The following AGBL4 variants were observed in gnomAD, a reference collection of about 807,000 sequenced individuals.
AGBL4 encodes the protein cytosolic carboxypeptidase 6.
Under a neutral mutation model 66.4 loss-of-function variants are expected in AGBL4, and 58 were observed. That is an observed-to-expected ratio of 0.87 (90% CI 0.71 to 1.09). AGBL4 has a LOEUF of 1.09. Ranked by LOEUF, AGBL4 falls within the 50% of genes least tolerant of loss-of-function variation. The pLI, the probability that AGBL4 is intolerant of heterozygous loss-of-function variation, is 0.00. For missense variants in AGBL4, 579 were observed against 631.0 expected, an observed-to-expected ratio of 0.92 and a Z score of 0.88; for synonymous variants, 234 against 222.9, an observed-to-expected ratio of 1.05 and a Z score of -0.44.
chr1:49,800,996 T>G (rs990240388), intron 2 of AGBL4, among the ~76,000 whole-genome samples: 45 of 150,782 alleles, frequency 3.0e-4, no homozygotes, highest in African/African-American at 9.3e-4. Flanking sequence ...TGTAAAAGTG[T>G]TCCTATTTCT....
At chr1:48,912,475 A>T (rs1007842935) in intron 5 of AGBL4, among the ~76,000 whole-genome samples, 4 of 152,170 alleles carry the variant, frequency 2.6e-5, no homozygotes, top group African/African-American at 9.7e-5. Context: ...GGACGTTGCC[A>T]TTGGGTTATG....
At chr1:48,768,522 A>T (rs1469294610) in intron 6 of AGBL4, among the ~76,000 whole-genome samples, 1 of 152,222 alleles carries the variant, frequency 6.6e-6, no homozygotes, top group Non-Finnish European at 1.5e-5. Flanking sequence ...TAATAGGCAA[A>T]TGGTGTTTTA....
intron 6 of AGBL4, among the ~76,000 whole-genome samples, chr1:48,791,973 T>G (rs1016397814): frequency 6.6e-6 from 1 of 152,200 alleles, no homozygotes; most frequent in Non-Finnish European, 1.5e-5. Context: ...ATGGGTGTTA[T>G]GGGTTTCACT....
intron 3 of AGBL4, among the ~76,000 whole-genome samples, chr1:49,312,715 C>A (rs917711290): frequency 2.6e-5 from 4 of 151,894 alleles, no homozygotes; most frequent in African/African-American, 4.8e-5. Context: ...AAAAAACACA[C>A]AAAAAGATAC....
At chr1:48,916,111 A>T (rs922775506) in intron 5 of AGBL4, among the ~76,000 whole-genome samples, 1 of 152,166 alleles carries the variant, frequency 6.6e-6, no homozygotes, top group Non-Finnish European at 1.5e-5. Context: ...ATATATCCTG[A>T]TATCTGGCCC....
chr1:49,033,601 C>G (rs1212249577), intron 5 of AGBL4, among the ~76,000 whole-genome samples: 1 of 151,958 alleles, frequency 6.6e-6, no homozygotes. Flanking sequence ...GTCATCAGTC[C>G]TCTCTCACCT....
At chr1:50,022,617 C>G (rs1662530983) in intron 1 of AGBL4, among the ~76,000 whole-genome samples, 1 of 750 alleles carries the variant, frequency 1.3e-3, no homozygotes, top group Admixed American at 0.013. Flanking sequence ...ACCATAACCA[C>G]ACACACACAC....
At chr1:48,912,842 A>C (rs1338914012) in intron 5 of AGBL4, among the ~76,000 whole-genome samples, 4 of 152,148 alleles carry the variant, frequency 2.6e-5, no homozygotes, top group African/African-American at 9.7e-5. Context: ...CAGCCTATGA[A>C]AGGAGTAGGA....
intron 9 of AGBL4, among the ~76,000 whole-genome samples, chr1:48,608,556 T>C (rs1645186847): frequency 1.3e-5 from 2 of 151,732 alleles, no homozygotes; most frequent in Non-Finnish European, 2.9e-5. Context: ...GATGGATGGA[T>C]GGATGGATGG....
At chr1:48,564,903 C>T (rs934911076) in intron 11 of AGBL4, among the ~76,000 whole-genome samples, 4 of 152,192 alleles carry the variant, frequency 2.6e-5, no homozygotes, top group African/African-American at 7.2e-5. Context: ...CTTGGCTTGG[C>T]CCACAGGGTC....
At position 49,514,196 on chromosome 1, in the gene AGBL4, T is replaced by C. The variant is rs970760997; in HGVS notation, c.282+183117A>G. Among the ~76,000 whole-genome samples the C allele has an allele frequency of 1.5e-4, 23 of 151,990 alleles. No individual in the cohort carries two copies. The South Asian group carries it at 3.5e-3, about 23-fold the overall frequency. ...ACAATTTGACTTCCTCTTTTCCTAA[T>C]TGAATACCCTTTATTTCCTTCTCCT... On this transcript the variant is annotated intron_variant, in intron 3 of 13. Coordinates refer to ENST00000371839, the MANE Select transcript of AGBL4 (RefSeq NM_032785.4).
At chr1:49,280,359 A>G (rs1644250588) in intron 3 of AGBL4, among the ~76,000 whole-genome samples, 1 of 152,176 alleles carries the variant, frequency 6.6e-6, no homozygotes, top group African/African-American at 2.4e-5. Flanking sequence ...TCTTTACTGC[A>G]ATGCCATGGT....
chr1:48,781,792 G>T (rs1389143427), intron 6 of AGBL4, among the ~76,000 whole-genome samples: 1 of 152,152 alleles, frequency 6.6e-6, no homozygotes, highest in African/African-American at 2.4e-5. Flanking sequence ...CTGCCCTTCA[G>T]ACATGGTGAA....
chr1:49,786,190 A>G (rs962690231), intron 2 of AGBL4, among the ~76,000 whole-genome samples: 1 of 152,070 alleles, frequency 6.6e-6, no homozygotes, highest in African/African-American at 2.4e-5. Flanking sequence ...TCTGAAGCTA[A>G]CCTTTTCATA....
intron 4 of AGBL4, among the ~76,000 whole-genome samples, chr1:49,052,978 G>C (rs1644246911): frequency 6.6e-6 from 1 of 152,108 alleles, no homozygotes; most frequent in African/African-American, 2.4e-5. Context: ...TTGGGCCTGG[G>C]TTTCCCAATC....
At chr1:49,691,886 C>T (rs1646894820) in intron 3 of AGBL4, among the ~76,000 whole-genome samples, 1 of 152,128 alleles carries the variant, frequency 6.6e-6, no homozygotes, top group Admixed American at 6.5e-5. Flanking sequence ...ACTCCAAGTT[C>T]TTCAGTTTTG....
intron 1 of AGBL4, among the ~76,000 whole-genome samples, chr1:49,948,584 G>T (rs867243588): frequency 0.065 from 8,214 of 126,930 alleles, 397 homozygotes; most frequent in African/African-American, 0.16. Context: ...TATATATATA[G>T]AGAGAGAGAG....
intron 1 of AGBL4, among the ~76,000 whole-genome samples, chr1:49,862,337 T>C (rs931673494): frequency 2.9e-4 from 33 of 113,752 alleles, no homozygotes; most frequent in African/African-American, 1.1e-3. Flanking sequence ...GGTTATTTGA[T>C]AATACATATA....
chr1:48,538,400 C>T (rs1021183792), intron 12 of AGBL4, among the ~76,000 whole-genome samples: 9 of 152,082 alleles, frequency 5.9e-5, no homozygotes, highest in African/African-American at 2.2e-4. Flanking sequence ...TGTTATTATC[C>T]CCATTTATAG....
Sources: gnomAD v4.1 joint callset for allele counts (sites outside exome capture counted in the v4.1 genomes callset) on GRCh38, gnomAD v4.1.1 for gene constraint, MANE v1.5 for transcripts, NCBI Gene and HGNC (gene_info 2026-07-23, HGNC 2026-07-21) for gene names.